Variants in ROBO1 observed in about 807,000 individuals in gnomAD.
ROBO1 encodes the protein roundabout homolog 1.
Under a neutral mutation model 195.9 loss-of-function variants are expected in ROBO1, and 149 were observed. That is an observed-to-expected ratio of 0.76 (90% confidence interval 0.67 to 0.87). The LOEUF is 0.87. ROBO1 is among the 40% of genes least tolerant of loss of function. The pLI is 0.00. For synonymous variants in ROBO1, 816 were observed against 733.2 expected (o/e 1.11, Z -1.82); for missense variants, 1,933 against 2,068.3 (o/e 0.93, Z 1.27).
chr3:79,135,486 A>G (rs899280520), intron 2 of ROBO1, among the ~76,000 whole-genome samples: 1 of 152,210 alleles, frequency 6.6e-6, no homozygotes, highest in African/African-American at 2.4e-5. Context: ...AGTTTCCAGA[A>G]AAAATAACAT....
At chr3:79,728,285 G>T (rs1230758220) in intron 1 of ROBO1, among the ~76,000 whole-genome samples, 1 of 152,032 alleles carries the variant, frequency 6.6e-6, no homozygotes, top group Admixed American at 6.6e-5. Context: ...CCTTTTGGTA[G>T]ATATGGAGAG....
chr3:79,761,056 T>C (rs1290676880), intron 1 of ROBO1, among the ~76,000 whole-genome samples: 2 of 148,402 alleles, frequency 1.3e-5, no homozygotes, highest in Non-Finnish European at 1.5e-5. Context: ...TATACTATAA[T>C]ATATATGCAC....
chr3:79,012,709 G>A (rs1341491545), intron 3 of ROBO1, among the ~76,000 whole-genome samples: 1 of 152,182 alleles, frequency 6.6e-6, no homozygotes, highest in East Asian at 1.9e-4. Context: ...TTTGGCTGAA[G>A]GGAAATGAGG....
intron 2 of ROBO1, among the ~76,000 whole-genome samples, chr3:79,555,261 T>C (rs1942657469): frequency 3.9e-5 from 6 of 152,166 alleles, no homozygotes; most frequent in Admixed American, 3.9e-4. Flanking sequence ...CTTGCTGCGC[T>C]CCTAATCTTA....
At chr3:79,748,411 A>G (rs1703967028) in intron 1 of ROBO1, among the ~76,000 whole-genome samples, 1 of 152,236 alleles carries the variant, frequency 6.6e-6, no homozygotes, top group Non-Finnish European at 1.5e-5. Context: ...ATTATGGGGC[A>G]TCTGTAGTCT....
In ROBO1 at chr3:79,638,578, C is replaced by T. The variant is rs533481359; in HGVS notation, c.-50-48617G>A. ...TACAGACGTGAGCCACCGTGCCCAGCCTTAATGGTCTGATTTTGAAGAACC... is the reference window on the plus strand; with the variant it reads ...TACAGACGTGAGCCACCGTGCCCAGTCTTAATGGTCTGATTTTGAAGAACC... On this transcript the variant is annotated intron_variant, in intron 1 of 30. Coordinates refer to ENST00000464233, the MANE Select transcript of ROBO1 (RefSeq NM_002941.4). 4.6e-5 allele frequency among the ~76,000 whole-genome samples: 7 copies of T among 152,050 alleles called. No individual in the cohort carries two copies. The South Asian group carries it at 1.2e-3, about 27-fold the overall frequency.
At chr3:79,709,057 A>G (rs1702172867) in intron 1 of ROBO1, among the ~76,000 whole-genome samples, 1 of 152,214 alleles carries the variant, frequency 6.6e-6, no homozygotes, top group African/African-American at 2.4e-5. Context: ...ACAGGCACAC[A>G]CAAACAAAAT....
chr3:78,790,261 T>TA (rs2083976912), intron 4 of ROBO1, among the ~76,000 whole-genome samples: 1 of 152,210 alleles, frequency 6.6e-6, no homozygotes, highest in Non-Finnish European at 1.5e-5. Flanking sequence ...CTCCTAGACT[T>TA]ACAGCTTTTC....
rs112740989 is a variant in ROBO1, at chr3:79,556,693, A to C, written c.88+33131T>G. Reference sequence around the variant, plus strand: ...ATATGTACTCATGTTTACTGATATAAAAATTAGTAAAACACTATCATTTCA... The same window carrying C: ...ATATGTACTCATGTTTACTGATATACAAATTAGTAAAACACTATCATTTCA... On this transcript the variant is annotated intron_variant, in intron 2 of 30. Transcript: ENST00000464233. Among the ~76,000 whole-genome samples the C allele has an allele frequency of 4.2e-3, 638 of 152,008 alleles. 3 individuals are homozygous for C. The highest frequency in any genetic ancestry group is 0.015 in the African/African-American group (613 of 41,538).
At chr3:78,947,918 T>C (rs2040544336) in intron 3 of ROBO1, among the ~76,000 whole-genome samples, 1 of 151,846 alleles carries the variant, frequency 6.6e-6, no homozygotes, top group African/African-American at 2.4e-5. Flanking sequence ...AACTAGAAAA[T>C]CTAGAAGAAA....
intron 3 of ROBO1, among the ~76,000 whole-genome samples, chr3:79,033,300 TTAAAG>T (rs2078328000): frequency 6.6e-6 from 1 of 152,124 alleles, no homozygotes; most frequent in South Asian, 2.1e-4. Context: ...GTTTATTTCT[TTAAAG>T]TAATACTTCT....
intron 2 of ROBO1, among the ~76,000 whole-genome samples, chr3:79,562,339 T>A (rs1457813955): frequency 6.6e-6 from 1 of 152,082 alleles, no homozygotes; most frequent in Non-Finnish European, 1.5e-5. Flanking sequence ...AAAGTAGTAG[T>A]ACAGCAGAAA....
At chr3:78,742,978 T>C (rs1429581768) in intron 5 of ROBO1, among the ~76,000 whole-genome samples, 2 of 152,170 alleles carry the variant, frequency 1.3e-5, no homozygotes, top group Non-Finnish European at 2.9e-5. Flanking sequence ...CACTATATGA[T>C]ACATCAGGGA....
chr3:79,530,755 CCACACACACACACACACACACACACACA>C (rs59568172), intron 2 of ROBO1, among the ~76,000 whole-genome samples: 244 of 128,254 alleles, frequency 1.9e-3, no homozygotes, highest in Non-Finnish European at 2.7e-3. Flanking sequence ...CACCTTGTAA[CCACACACACACACACACACACACACACA>C]CACACACACA....
intron 4 of ROBO1, among the ~76,000 whole-genome samples, chr3:78,772,135 C>A (rs444992): frequency 6.6e-6 from 1 of 151,708 alleles, no homozygotes; most frequent in African/African-American, 2.4e-5. Flanking sequence ...TGACCTAATA[C>A]GTATTTGCTT....
chr3:79,164,574 T>C (rs2081029672), intron 2 of ROBO1, among the ~76,000 whole-genome samples: 2 of 152,294 alleles, frequency 1.3e-5, no homozygotes, highest in South Asian at 4.1e-4. Context: ...ATTTTCTCAT[T>C]TACTCTTTTG....
chr3:78,618,138 T>C, intron 26 of ROBO1, 97 bp from the exon 27 acceptor site: 4 of 1,281,008 alleles, frequency 3.1e-6, no homozygotes, highest in Non-Finnish European at 4.2e-6. Context: ...AGATTTGACC[T>C]TTACTTCTTT....
intron 1 of ROBO1, among the ~76,000 whole-genome samples, chr3:79,665,700 G>A (rs148674178): frequency 3.3e-5 from 5 of 151,906 alleles, no homozygotes; most frequent in East Asian, 3.9e-4. Context: ...AAAAAATGAC[G>A]CTTGCAAAAT....
intron 2 of ROBO1, among the ~76,000 whole-genome samples, chr3:79,553,775 G>T (rs1308894325): frequency 2.0e-5 from 3 of 151,976 alleles, no homozygotes; most frequent in African/African-American, 7.2e-5. Flanking sequence ...ACTGGCCACG[G>T]GCCCATGTTG....
Sources: allele counts gnomAD v4.1 joint callset (sites outside exome capture counted in the v4.1 genomes callset), GRCh38; gene constraint gnomAD v4.1.1; transcripts MANE v1.5; gene names NCBI Gene and HGNC (gene_info 2026-07-23, HGNC 2026-07-21).